Variants in NUP210L observed in about 807,000 individuals in gnomAD.
The protein encoded by NUP210L is nucleoporin 210 like, also known as nuclear pore membrane glycoprotein 210-like.
In NUP210L, 74 loss-of-function variants were observed where a neutral mutation model predicts 208.5. The observed-to-expected ratio is 0.35, with a 90% CI of 0.29 to 0.43. The LOEUF (loss-of-function observed/expected upper bound fraction) is 0.43, where lower values mean the gene tolerates loss of function less well. NUP210L is among the 20% of genes least tolerant of loss of function. NUP210L has a pLI of 1.00. For synonymous variants in NUP210L, 780 were observed against 816.9 expected (o/e 0.95, Z 0.77); for missense variants, 1,843 against 2,289.4 (o/e 0.81, Z 3.98).
intron 12 of NUP210L, among the ~76,000 whole-genome samples, chr1:154,116,396 C>G (rs1657335299): frequency 6.6e-6 from 1 of 150,956 alleles, no homozygotes. Context: ...TGCACTCCAG[C>G]CTGGGCAACA....
intron 20 of NUP210L, among the ~76,000 whole-genome samples, chr1:154,059,623 G>C (rs559630622): frequency 6.6e-6 from 1 of 152,062 alleles, no homozygotes; most frequent in African/African-American, 2.4e-5. Flanking sequence ...AAGAAAAATC[G>C]CGTGCATTTA....
intron 30 of NUP210L, among the ~76,000 whole-genome samples, chr1:154,024,286 T>C (rs1651728055): frequency 6.6e-6 from 1 of 152,224 alleles, no homozygotes; most frequent in Non-Finnish European, 1.5e-5. Flanking sequence ...GTTTGAATCA[T>C]AGCTTTATCA....
At chr1:154,053,330 C>T (rs909763689) in intron 25 of NUP210L, among the ~76,000 whole-genome samples, 3 of 152,198 alleles carry the variant, frequency 2.0e-5, no homozygotes, top group African/African-American at 4.8e-5. Context: ...ATATAGTCTG[C>T]AGATGCAGAT....
At chr1:154,030,942 C>T (rs1652180627) in intron 27 of NUP210L, among the ~76,000 whole-genome samples, 1 of 152,036 alleles carries the variant, frequency 6.6e-6, no homozygotes, top group Admixed American at 6.6e-5. Context: ...AAAACAGGGT[C>T]TCCCTACGTT....
rs539260061 is a variant in NUP210L, at chr1:153,993,006, C to G, written c.5566+9G>C. ...AGCTTTTCAAAGATGAGGACAGAGG[C>G]TTTTTTACCTGGCTGTGGTGTTCCT... On this transcript the variant is annotated intron_variant, in intron 39 of 39. Transcript: ENST00000368559. The G allele has an allele frequency of 2.1e-5, 34 of 1,612,470 alleles. No homozygotes were observed. The South Asian group carries it at 3.3e-4, about 16-fold the overall frequency.
intron 6 of NUP210L, among the ~76,000 whole-genome samples, chr1:154,136,813 G>A (rs1280724790): frequency 6.7e-6 from 1 of 150,324 alleles, no homozygotes; most frequent in Non-Finnish European, 1.5e-5. Context: ...CCAGCTACTC[G>A]GGAGGCTGCG....
chr1:154,023,308 C>G lies in NUP210L; in HGVS notation c.4123-11G>C. ...TGTCACCGGTGCTACCTGTGGGAGA[C>G]AAAACCTACTGGTACAGAGAAAGAT... is the stretch of plus-strand genomic sequence containing the variant. On this transcript the variant is annotated splice_polypyrimidine_tract_variant and intron_variant, in intron 30 of 39. Coordinates refer to ENST00000368559, the Ensembl canonical transcript of NUP210L. The G allele has an allele frequency of 6.3e-7, 1 of 1,596,676 alleles. No homozygotes were observed. The highest frequency in any genetic ancestry group is 1.7e-4 in the Middle Eastern group (1 of 5,988).
At chr1:154,010,111 G>A (rs766180839) in exon 35 of NUP210L, 11 of 1,612,138 alleles carry the variant, frequency 6.8e-6, no homozygotes, top group South Asian at 1.1e-5. Context: ...CCTGGTTTGG[G>A]GTACAGAATC....
intron 15 of NUP210L, among the ~76,000 whole-genome samples, chr1:154,093,114 C>T (rs1459894351): frequency 6.6e-6 from 1 of 151,552 alleles, no homozygotes; most frequent in East Asian, 2.0e-4. Context: ...TTGAACTGTA[C>T]ATTTTAAAAA....
chr1:154,059,943 A>T (rs2147995931), intron 20 of NUP210L, among the ~76,000 whole-genome samples: 1 of 152,306 alleles, frequency 6.6e-6, no homozygotes, highest in South Asian at 2.1e-4. Flanking sequence ...TGAAAACATC[A>T]TATATTCATG....
intron 16 of NUP210L, among the ~76,000 whole-genome samples, chr1:154,073,729 C>T (rs567929742): frequency 2.6e-5 from 4 of 151,554 alleles, no homozygotes; most frequent in South Asian, 2.1e-4. Context: ...GCACGAGAAT[C>T]GCTTGAACCT....
At chr1:154,070,231 A>C in intron 17 of NUP210L, 42 bp downstream of exon 17, 1 of 1,446,612 alleles carries the variant, frequency 6.9e-7, no homozygotes, top group Non-Finnish European at 9.3e-7. Flanking sequence ...CAAACAAAAA[A>C]ACACTCAGGT....
chr1:154,124,047 C>T (rs1343099312), intron 10 of NUP210L, among the ~76,000 whole-genome samples: 1 of 151,654 alleles, frequency 6.6e-6, no homozygotes, highest in Non-Finnish European at 1.5e-5. Flanking sequence ...ATTAGCCGGG[C>T]GTGGTGGCAC....
intron 28 of NUP210L, among the ~76,000 whole-genome samples, chr1:154,029,399 A>C (rs1652087257): frequency 1.4e-5 from 2 of 142,584 alleles, no homozygotes; most frequent in Non-Finnish European, 3.1e-5. Context: ...AAAAAAAAAA[A>C]AACCACAAAA....
intron 10 of NUP210L, among the ~76,000 whole-genome samples, 181 bp downstream of exon 10, chr1:154,126,142 T>C (rs189962030): frequency 6.6e-6 from 1 of 152,148 alleles, no homozygotes; most frequent in Non-Finnish European, 1.5e-5. Context: ...TATTTTAATG[T>C]ACAATAACAT....
chr1:154,088,744 A>G (rs544256637), intron 16 of NUP210L, among the ~76,000 whole-genome samples: 1 of 152,224 alleles, frequency 6.6e-6, no homozygotes, highest in East Asian at 1.9e-4. Context: ...GACTTTTAGG[A>G]GGCTCGGTTT....
intron 25 of NUP210L, among the ~76,000 whole-genome samples, chr1:154,048,650 C>T (rs1221780366): frequency 2.0e-5 from 3 of 152,210 alleles, no homozygotes; most frequent in Non-Finnish European, 4.4e-5. Context: ...TCCCCCACCA[C>T]AGCTGGTAAT....
chr1:153,995,793 A>G (rs1294310497), intron 37 of NUP210L: 3 of 650,772 alleles, frequency 4.6e-6, no homozygotes, highest in East Asian at 6.5e-5. Flanking sequence ...GCAGACTTCA[A>G]GGGATTCGTG....
intron 3 of NUP210L, among the ~76,000 whole-genome samples, chr1:154,142,902 A>G (rs1339090050): frequency 7.1e-6 from 1 of 140,770 alleles, no homozygotes; most frequent in East Asian, 2.2e-4. Flanking sequence ...AAAAAAAAAG[A>G]AAGTGGCCAG....
Sources: allele counts gnomAD v4.1 joint callset (sites outside exome capture counted in the v4.1 genomes callset), GRCh38; gene constraint gnomAD v4.1.1; transcripts MANE v1.5; gene names NCBI Gene and HGNC (gene_info 2026-07-23, HGNC 2026-07-21).